Variants in PSMD14 observed in about 807,000 individuals in gnomAD.
PSMD14 encodes ubiquitin C-terminal hydrolase PSMD14.
In PSMD14, 7 loss-of-function variants were observed where a neutral mutation model predicts 41.2. The observed-to-expected ratio is 0.17, with a 90% CI of 0.10 to 0.32. The LOEUF is 0.32. Ranked by LOEUF, PSMD14 falls within the 10% of genes least tolerant of loss-of-function variation. The pLI is 1.00. For missense variants in PSMD14, 139 were observed against 375.6 expected (o/e 0.37, Z 5.21); for synonymous variants, 114 against 122.3 (o/e 0.93, Z 0.45).
At chr2:161,345,866 T>C (rs145235192) in intron 3 of PSMD14, among the ~76,000 whole-genome samples, 1 of 152,152 alleles carries the variant, frequency 6.6e-6, no homozygotes, top group Non-Finnish European at 1.5e-5. Flanking sequence ...CATTTTTCTG[T>C]TGCTACATCT....
rs1260236917 is a variant in PSMD14 at position 161,337,027 on chromosome 2, CAA to C, written c.48+18156_48+18157del. Among the ~76,000 whole-genome samples, 6 of 152,230 alleles carry C rather than the reference CAA, an allele frequency of 3.9e-5. No homozygotes were observed. The East Asian group carries it at 9.6e-4, about 24-fold the overall frequency. On this transcript the variant is annotated intron_variant, in intron 3 of 11. Coordinates refer to ENST00000409682, the MANE Select transcript of PSMD14 (RefSeq NM_005805.6). ...TCATTTACTTTGGAAGTAACTTATTCAAAGTCATTTAAAGAAAAATTAATCTT... is the reference window on the plus strand; with the variant it reads ...TCATTTACTTTGGAAGTAACTTATTCAGTCATTTAAAGAAAAATTAATCTT...
intron 3 of PSMD14, among the ~76,000 whole-genome samples, chr2:161,329,505 T>G (rs1682754783): frequency 6.6e-6 from 1 of 152,166 alleles, no homozygotes; most frequent in Non-Finnish European, 1.5e-5. Flanking sequence ...TGGTTACCTT[T>G]TTTTTCTTTG....
intron 3 of PSMD14, among the ~76,000 whole-genome samples, chr2:161,321,198 C>T (rs1682581346): frequency 6.6e-6 from 1 of 152,180 alleles, no homozygotes; most frequent in South Asian, 2.1e-4. Context: ...GCAGAATTCC[C>T]TCCCAAATAG....
chr2:161,391,244 G>A, intron 9 of PSMD14, 66 bp downstream of exon 9: 1 of 1,401,042 alleles, frequency 7.1e-7, no homozygotes, highest in South Asian at 1.6e-5. Flanking sequence ...ACTATTACCT[G>A]GTATGTGATT....
chr2:161,398,522 C>G (rs532506907), intron 10 of PSMD14, among the ~76,000 whole-genome samples: 1 of 151,764 alleles, frequency 6.6e-6, no homozygotes, highest in African/African-American at 2.4e-5. Context: ...TTTATTCATG[C>G]GGAGATGCAT....
chr2:161,376,121 ACT>A (rs1326739661), intron 7 of PSMD14, among the ~76,000 whole-genome samples: 1 of 149,200 alleles, frequency 6.7e-6, no homozygotes. Context: ...ATATATATAT[ACT>A]CTCTCTCATA....
intron 3 of PSMD14, among the ~76,000 whole-genome samples, chr2:161,329,827 T>C (rs954940273): frequency 9.9e-5 from 15 of 152,188 alleles, no homozygotes; most frequent in Non-Finnish European, 1.5e-4. Context: ...AAAAGCAAGC[T>C]AATTAGAGCA....
intron 3 of PSMD14, among the ~76,000 whole-genome samples, chr2:161,349,274 A>C (rs992036817): frequency 1.3e-5 from 2 of 152,062 alleles, no homozygotes; most frequent in African/African-American, 4.8e-5. Context: ...GGATATACTT[A>C]CTCTTCCTAG....
chr2:161,388,895 G>A (rs1683669339), intron 8 of PSMD14, among the ~76,000 whole-genome samples: 1 of 152,068 alleles, frequency 6.6e-6, no homozygotes, highest in Non-Finnish European at 1.5e-5. Flanking sequence ...AGTTCTACAT[G>A]AACCCAAAAA....
intron 9 of PSMD14, among the ~76,000 whole-genome samples, chr2:161,392,639 C>T (rs1279790280): frequency 1.3e-5 from 2 of 152,092 alleles, no homozygotes; most frequent in African/African-American, 4.8e-5. Context: ...AGTGCTTGAG[C>T]ATGTGATGAG....
Position 161,311,897 on chromosome 2 carries a change from G to A in PSMD14, c.-138+3293G>A, listed in dbSNP as rs1036724065. Among the ~76,000 whole-genome samples, 34 of 151,986 alleles carry A rather than the reference G, an allele frequency of 2.2e-4. 1 individual carries two copies. The highest frequency in any genetic ancestry group is 2.2e-3 in the Admixed American group (34 of 15,248). ...CCCAAAGAGCTGGGATTACAGGTGT[G>A]AGCCACCGTGCCCAGCCACCATTCT... is the stretch of plus-strand genomic sequence containing the variant. On this transcript the variant is annotated intron_variant, in intron 1 of 11. Transcript: ENST00000409682.
At chr2:161,383,923 T>TCA in intron 7 of PSMD14, 1 of 151,716 alleles carries the variant, frequency 6.6e-6, no homozygotes, top group Non-Finnish European at 1.5e-5. Flanking sequence ...AAGTTATTTA[T>TCA]GATAACATCT....
intron 3 of PSMD14, among the ~76,000 whole-genome samples, chr2:161,364,836 G>A (rs1245830725): frequency 1.3e-5 from 2 of 152,200 alleles, no homozygotes; most frequent in African/African-American, 2.4e-5. Context: ...GGGTGCAGTC[G>A]CTCACGCCTG....
chr2:161,377,760 A>G (rs1324357641), intron 7 of PSMD14, among the ~76,000 whole-genome samples: 17 of 151,910 alleles, frequency 1.1e-4, no homozygotes, highest in Admixed American at 1.1e-3. Context: ...GTAAAAATAC[A>G]TCATTCATTA....
intron 3 of PSMD14, among the ~76,000 whole-genome samples, chr2:161,350,526 G>T (rs1019794932): frequency 5.9e-5 from 9 of 152,206 alleles, no homozygotes; most frequent in African/African-American, 2.2e-4. Context: ...GGCCTAACCA[G>T]CCATTTGCAG....
At chr2:161,353,659 T>C (rs1395557881) in intron 3 of PSMD14, among the ~76,000 whole-genome samples, 3 of 152,226 alleles carry the variant, frequency 2.0e-5, no homozygotes, top group Admixed American at 6.5e-5. Flanking sequence ...ATGTGTGTGT[T>C]CCCTATTTAT....
intron 1 of PSMD14, among the ~76,000 whole-genome samples, chr2:161,311,376 G>A (rs1220984641): frequency 1.3e-5 from 2 of 151,944 alleles, no homozygotes; most frequent in Admixed American, 6.6e-5. Context: ...TATTCCCTAA[G>A]CAATATAGTA....
chr2:161,359,052 C>G (rs62194492), intron 3 of PSMD14, among the ~76,000 whole-genome samples: 1 of 152,066 alleles, frequency 6.6e-6, no homozygotes. Context: ...CACTACAGCC[C>G]CAGCCTCCTG....
intron 3 of PSMD14, among the ~76,000 whole-genome samples, chr2:161,354,925 G>A (rs889264722): frequency 2.6e-5 from 4 of 152,114 alleles, no homozygotes; most frequent in African/African-American, 9.7e-5. Flanking sequence ...CAAAATACTG[G>A]CTGTAGGGCC....
Sources: gnomAD v4.1 joint callset for allele counts (sites outside exome capture counted in the v4.1 genomes callset) on GRCh38, gnomAD v4.1.1 for gene constraint, MANE v1.5 for transcripts, NCBI Gene and HGNC (gene_info 2026-07-23, HGNC 2026-07-21) for gene names.